ZNF730: variants seen among roughly 807,000 people sequenced by gnomAD.
The protein encoded by ZNF730 is zinc finger protein 730, also known as putative zinc finger protein 730.
Under a neutral mutation model 12.6 loss-of-function variants are expected in ZNF730, and 12 were observed. The ratio of observed to expected loss-of-function variants is 0.95; its 90% CI spans 0.61 to 1.54. The LOEUF (loss-of-function observed/expected upper bound fraction) is 1.54. Ranked by LOEUF, ZNF730 falls within the 40% of genes most tolerant of loss-of-function variation. ZNF730 has a pLI of 0.00. For synonymous variants in ZNF730, 194 were observed against 195.8 expected (o/e 0.99, Z 0.08); for missense variants, 643 against 583.5 (o/e 1.10, Z -1.05).
intron 1 of ZNF730, among the ~76,000 whole-genome samples, chr19:23,129,820 C>T (rs1177439273): frequency 2.0e-5 from 3 of 151,678 alleles, no homozygotes; most frequent in Non-Finnish European, 2.9e-5. Context: ...AGTGAAACCC[C>T]ATCTCTACTA....
chr19:23,129,577 C>CCCG (rs998774544), intron 1 of ZNF730, among the ~76,000 whole-genome samples: 1 of 150,536 alleles, frequency 6.6e-6, no homozygotes, highest in Non-Finnish European at 1.5e-5. Flanking sequence ...TTGTATCCCC[C>CCCG]CCCCCATTAT....
upstream of ZNF730, among the ~76,000 whole-genome samples, chr19:23,114,231 A>G (rs1224010187): frequency 6.6e-6 from 1 of 151,258 alleles, no homozygotes; most frequent in African/African-American, 2.4e-5. Flanking sequence ...AGGCTACTCA[A>G]TTTGCAAATC....
At chr19:23,085,674 C>G (rs965126777) in intron 1 of ZNF730, among the ~76,000 whole-genome samples, 3 of 149,248 alleles carry the variant, frequency 2.0e-5, no homozygotes, top group African/African-American at 4.9e-5. Context: ...CCAAGTTTGG[C>G]TAATTATTTT....
intron 1 of ZNF730, among the ~76,000 whole-genome samples, chr19:23,092,899 T>C (rs760483893): frequency 3.3e-5 from 5 of 152,240 alleles, no homozygotes; most frequent in Non-Finnish European, 7.3e-5. Context: ...TTTCTTTTTT[T>C]GTTGTACTCT....
At chr19:23,108,988 G>C (rs914594031) in intron 1 of ZNF730, among the ~76,000 whole-genome samples, 3 of 152,116 alleles carry the variant, frequency 2.0e-5, no homozygotes, top group African/African-American at 7.2e-5. Flanking sequence ...AACTTCAGGT[G>C]ATCTACCTGC....
chr19:23,084,903 G>T (rs1227561644), intron 1 of ZNF730, among the ~76,000 whole-genome samples: 1 of 152,146 alleles, frequency 6.6e-6, no homozygotes, highest in Non-Finnish European at 1.5e-5. Context: ...TTGCTATGGT[G>T]AATAGTGCTG....
chr19:23,137,076 A>G (rs1241141807), intron 3 of ZNF730, among the ~76,000 whole-genome samples: 1 of 133,852 alleles, frequency 7.5e-6, no homozygotes, highest in Admixed American at 8.6e-5. Context: ...AGGCTGAGAC[A>G]GGAGAATTGC....
intron 1 of ZNF730, among the ~76,000 whole-genome samples, chr19:23,090,550 T>C (rs1363452309): frequency 6.6e-6 from 1 of 152,086 alleles, no homozygotes; most frequent in African/African-American, 2.4e-5. Flanking sequence ...GAAAACCCCA[T>C]TTTTTGAGGA....
At chr19:23,096,204 G>C (rs1388881769) in intron 1 of ZNF730, among the ~76,000 whole-genome samples, 1 of 151,866 alleles carries the variant, frequency 6.6e-6, no homozygotes, top group Non-Finnish European at 1.5e-5. Context: ...AAGGTACCGT[G>C]ACATTGCTGG....
chr19:23,103,857 GTAAC>G (rs1420867096), intron 1 of ZNF730, among the ~76,000 whole-genome samples: 1 of 152,120 alleles, frequency 6.6e-6, no homozygotes, highest in Non-Finnish European at 1.5e-5. Context: ...GTTTCTAACT[GTAAC>G]TAACCTGGAC....
chr19:23,119,827 A>G (rs1970576997), intron 1 of ZNF730, among the ~76,000 whole-genome samples: 1 of 152,078 alleles, frequency 6.6e-6, no homozygotes, highest in South Asian at 2.1e-4. Context: ...AAAATAAATA[A>G]ATAAATAAAT....
At chr19:23,132,455 T>A (rs894507524) in intron 1 of ZNF730, among the ~76,000 whole-genome samples, 1 of 151,552 alleles carries the variant, frequency 6.6e-6, no homozygotes, top group Non-Finnish European at 1.5e-5. Context: ...AACTACGTTT[T>A]AAAATTCTTA....
intron 3 of ZNF730, among the ~76,000 whole-genome samples, chr19:23,143,185 C>A (rs1277144749): frequency 6.6e-6 from 1 of 151,930 alleles, no homozygotes; most frequent in African/African-American, 2.4e-5. Flanking sequence ...GCGGAGCTTG[C>A]AGTGAGCCGA....
rs1315758966 is a variant in ZNF730, at chr19:23,138,282, C to CAAAAAA, written c.226+2255_226+2260dup. ...TGGGCGACAGAGCGAGACTCCGTCT[C>CAAAAAA]AAAAAAAAAAAAAAAAAAAAAGAAA... On this transcript the variant is annotated intron_variant, in intron 3 of 3. Transcript: ENST00000597761. 6.4e-4 allele frequency among the ~76,000 whole-genome samples: 6 copies of CAAAAAA among 9,444 alleles called. 1 individual carries two copies. The highest frequency in any genetic ancestry group is 1.0e-3 in the African/African-American group (4 of 3,856). The allele number at this position is 9,444 out of a possible 152,430, so 6.2% of individuals were successfully genotyped here.
At chr19:23,126,659 T>A (rs1970673035) in intron 1 of ZNF730, 1 of 439,406 alleles carries the variant, frequency 2.3e-6, no homozygotes, top group Admixed American at 3.3e-5. Flanking sequence ...CCAGTTCCAC[T>A]AGTTTTTTTT....
intron 1 of ZNF730, chr19:23,126,769 G>C: frequency 2.0e-6 from 1 of 491,084 alleles, no homozygotes; most frequent in Non-Finnish European, 4.0e-6. Context: ...CATAATTGTT[G>C]GGAAGTTTTA....
rs1286114142 is a variant in ZNF730, at chr19:23,118,373, T to TG, written c.3+1197_3+1198insG. ...GGGTCAAGTTTGTTTTTTGTTTTTT[T>TG]TTTTTGTTTTTTTAATTTTTATGGG... On this transcript the variant is annotated intron_variant, in intron 1 of 3. Coordinates refer to ENST00000597761, the MANE Select transcript of ZNF730 (RefSeq NM_001277403.2). Among the ~76,000 whole-genome samples, 20 of 151,332 alleles carry TG rather than the reference T, an allele frequency of 1.3e-4. 2 individuals are homozygous for TG. In the South Asian group the frequency reaches 4.0e-3, roughly 30 times the overall value.
At chr19:23,077,689 G>A (rs1316458241) in intron 1 of ZNF730, among the ~76,000 whole-genome samples, 11 of 151,952 alleles carry the variant, frequency 7.2e-5, no homozygotes, top group Admixed American at 5.9e-4. Flanking sequence ...TGATCTGACC[G>A]CCTCAGCCTC....
At chr19:23,127,642 G>A (rs1405439227) in intron 1 of ZNF730, 1 of 1,112,330 alleles carries the variant, frequency 9.0e-7, no homozygotes. Context: ...AACTCTTTGT[G>A]TGAATGGTGA....
Sources: allele counts gnomAD v4.1 joint callset (sites outside exome capture counted in the v4.1 genomes callset), GRCh38; gene constraint gnomAD v4.1.1; transcripts MANE v1.5; gene names NCBI Gene and HGNC (gene_info 2026-07-23, HGNC 2026-07-21).